COASY: variants seen among roughly 807,000 people sequenced by gnomAD.
The protein encoded by COASY is Coenzyme A synthase.
A neutral mutation model predicts 49.4 loss-of-function variants in COASY; 31 were observed. The ratio of observed to expected loss-of-function variants is 0.63; its 90% confidence interval spans 0.47 to 0.85. The LOEUF is 0.85. Among genes scored for constraint, COASY ranks in the 40% least tolerant of loss-of-function variants. The probability of loss-of-function intolerance (pLI) is 0.00; values close to 1 mark genes in which losing one functional copy is unlikely to be tolerated. For missense variants in COASY, 730 were observed against 734.1 expected (o/e 0.99, Z 0.06); for synonymous variants, 285 against 310.9 (o/e 0.92, Z 0.88).
chr17:42,562,311 C>G lies in COASY; in HGVS notation c.-312C>G. ...CCTGGTGCAGCTTAGCAAGAGGGCC[C>G]AGGATTTTTGGATCCCCAGCCCTGT... On this transcript the variant is annotated 5_prime_UTR_variant, in exon 1 of 9. Coordinates refer to ENST00000393818, the MANE Select transcript of COASY (RefSeq NM_025233.7). 9.1e-7 allele frequency: 1 copy of G among 1,099,940 alleles called. No homozygotes were observed. The highest frequency in any genetic ancestry group is 1.4e-6 in the Non-Finnish European group (1 of 733,276). The allele number at this position is 1,099,940 out of a possible 1,614,324, so 68.1% of individuals were successfully genotyped here. A position where few individuals can be genotyped will look rare whatever the true frequency, so the allele number is the denominator to read the frequency against.
At chr17:42,565,386 A>G (rs560703312) in intron 6 of COASY, 75 bp downstream of exon 6, 20 of 1,606,982 alleles carry the variant, frequency 1.2e-5, no homozygotes, top group East Asian at 8.9e-5. Flanking sequence ...TCCCTGCCCA[A>G]CGTGGGACTG....
intron 2 of COASY, 40 bp downstream of exon 2, chr17:42,564,215 G>T: frequency 6.3e-7 from 1 of 1,591,928 alleles, no homozygotes; most frequent in East Asian, 2.2e-5. Flanking sequence ...GTGGATGGGG[G>T]ACGGGGAAGG....
chr17:42,562,162 G>A lies in COASY; in HGVS notation c.-461G>A. On this transcript the variant is annotated 5_prime_UTR_variant, in exon 1 of 9. Coordinates refer to ENST00000393818, the MANE Select transcript of COASY (RefSeq NM_025233.7). ...GCGGTTTCTCCGTTAGTGCTTCCGG[G>A]TTGCAGCCAGGGAAGCCTCCGCGGT... 2 of 483,420 alleles carry A rather than the reference G, an allele frequency of 4.1e-6. No individual in the cohort carries two copies. Among genetic ancestry groups the A allele is most frequent in the Non-Finnish European group, 7.4e-6 (2 of 272,036 alleles). 29.9% of individuals were successfully genotyped at this position (483,420 alleles called of 1,614,324 possible). A position where few individuals can be genotyped will look rare whatever the true frequency, so the allele number is the denominator to read the frequency against.
chr17:42,564,662 A>G lies in COASY; in HGVS notation c.1048-47A>G, dbSNP rs201430313. 1,772 of 1,532,572 alleles carry G rather than the reference A, an allele frequency of 1.2e-3. 3 individuals are homozygous for G. The highest frequency in any genetic ancestry group is 1.5e-3 in the Admixed American group (71 of 46,648). 94.9% of individuals were successfully genotyped at this position (1,532,572 alleles called of 1,614,324 possible). A position where few individuals can be genotyped will look rare whatever the true frequency, so the allele number is the denominator to read the frequency against. On this transcript the variant is annotated intron_variant, in intron 3 of 8. Transcript: ENST00000393818. ...GCTGAGGGGCTCAGCCCCAGGCATG[A>G]GGCTGAGGGCCCCAGTAACTGTGGG...
At position 42,563,256 on chromosome 17, in the gene COASY, A is replaced by G. The variant is rs1218991418; in HGVS notation, c.634A>G (p.Ser212Gly). ...RLHNAHKVLL[S>G]VACILAQEQL... is the part of the protein sequence containing the mutation. ...GCACAACGCCCACAAGGTGTTGCTCAGTGTCGCGTGCATCCTGGCCCAGGA... is the reference window on the plus strand; with the variant it reads ...GCACAACGCCCACAAGGTGTTGCTCGGTGTCGCGTGCATCCTGGCCCAGGA... The change falls in exon 1 of 9, where the codon AGT (serine) becomes GGT (glycine). Residue 212 changes from serine (S) to glycine (G), a missense_variant. Coordinates refer to ENST00000393818, the MANE Select transcript of COASY (RefSeq NM_025233.7). 2 of 1,611,502 alleles carry G rather than the reference A, an allele frequency of 1.2e-6. No homozygotes were observed. Among genetic ancestry groups the G allele is most frequent in the Non-Finnish European group, 1.7e-6 (2 of 1,179,460 alleles).
At chr17:42,563,657 C>T in intron 1 of COASY, 1 of 514,242 alleles carries the variant, frequency 1.9e-6, no homozygotes, top group South Asian at 2.7e-5. Flanking sequence ...GAGGAGGAAA[C>T]TCAAGCATGG....
At position 42,565,031 on chromosome 17, in the gene COASY, G is replaced by T. The variant is rs375069596; in HGVS notation, c.1286G>T (p.Arg429Leu). ...ATCAACAGGAAGGTCCTAGGCAGCC[G>T]GGTGTTTGGGAATAAGGTAAACAAT... ...GIINRKVLGS[R>L]VFGNKKQLKI... Residue 429 changes from arginine to leucine, a missense_variant, in exon 5 of 9, where the codon CGG becomes CTG. Transcript: ENST00000393818. 6.2e-7 allele frequency: 1 copy of T among 1,614,158 alleles called. No individual in the cohort carries two copies. The highest frequency in any genetic ancestry group is 2.2e-5 in the East Asian group (1 of 44,876).
In COASY at chr17:42,564,538, C is replaced by A; in HGVS notation, c.1008C>A (p.Phe336Leu). The A allele has an allele frequency of 1.2e-6, 2 of 1,613,054 alleles. No individual in the cohort carries two copies. Among genetic ancestry groups the A allele is most frequent in the Non-Finnish European group, 1.7e-6 (2 of 1,179,546 alleles). The change falls in exon 3 of 9, where the codon TTC (phenylalanine) becomes TTA (leucine). Residue 336 changes from phenylalanine to leucine, a missense_variant. Physicochemically the swap from Phe to Leu is conservative, Grantham distance 22 (BLOSUM62 0). Transcript: ENST00000393818. ...NEEDKVSSSS[F>L]RQRMLGNLLR... Reference sequence around the variant, plus strand: ...AGGACAAAGTCAGCTCCTCCAGCTTCCGCCAGCGAATGTTGGGGAACCTGC... The same window carrying A: ...AGGACAAAGTCAGCTCCTCCAGCTTACGCCAGCGAATGTTGGGGAACCTGC...
At position 42,564,728 on chromosome 17, in the gene COASY, CAT is replaced by C. The variant is rs752707793; in HGVS notation, c.1068_1069del (p.Cys357SerfsTer30). 9.2e-6 allele frequency: 14 copies of C among 1,527,576 alleles called. No homozygotes were observed. Among genetic ancestry groups the C allele is most frequent in the East Asian group, 6.8e-5 (3 of 44,330 alleles). The allele number at this position is 1,527,576 out of a possible 1,614,324, so 94.6% of individuals were successfully genotyped here. ...CCCCAGGAAAGGCCAGAGCTCCCCA[CAT>C]GTCTCTATGTAATTGGGCTGACTGG... is the stretch of plus-strand genomic sequence containing the variant. On this transcript the variant is annotated frameshift_variant, in exon 4 of 9. Transcript: ENST00000393818. LOFTEE classifies it high-confidence loss of function.
At chr17:42,563,509 C>T in intron 1 of COASY, 187 bp downstream of exon 1, 2 of 611,470 alleles carry the variant, frequency 3.3e-6, no homozygotes, top group South Asian at 4.2e-5. Context: ...AGCATGTGGT[C>T]CAGTCACCAC....
chr17:42,563,793 G>T (rs1191945418), intron 1 of COASY, 168 bp from the exon 2 acceptor site: 1 of 605,872 alleles, frequency 1.7e-6, no homozygotes, highest in South Asian at 2.1e-5. Context: ...GTGCTTGCCT[G>T]TTTCTTCACC....
rs598126 is a variant in COASY at position 42,564,502 on chromosome 17, A to G, written c.972A>G (p.Thr324=). ...QIQLLKDLRH[T]ENEEDKVSSS... ...AGCTGCTGAAGGACCTCAGACATAC[A>G]GAGAATGAAGAGGACAAAGTCAGCT... The change falls in exon 3 of 9, where the codon ACA becomes ACG. Residue 324 remains threonine, a synonymous_variant. Transcript: ENST00000393818. 0.55 allele frequency: 881,764 copies of G among 1,613,628 alleles called. 243,335 individuals carry two copies. Among genetic ancestry groups the G allele is most frequent in the South Asian group, 0.63 (57,604 of 91,062 alleles).
At chr17:42,563,718 G>C in intron 1 of COASY, 1 of 544,388 alleles carries the variant, frequency 1.8e-6, no homozygotes, top group South Asian at 2.5e-5. Flanking sequence ...GGCACTGCTC[G>C]TTCTCTGGAG....
At chr17:42,563,819 C>G in intron 1 of COASY, 142 bp from the exon 2 acceptor site, 1 of 631,704 alleles carries the variant, frequency 1.6e-6, no homozygotes, top group Non-Finnish European at 2.8e-6. Context: ...GCTCCCCTCA[C>G]CATCACCATA....
Position 42,562,855 on chromosome 17 carries a change from A to G in COASY, c.233A>G (p.His78Arg). ...ITHLYAGADV[H>R]RHLDVRILLT... ...CACCTCTATGCTGGCGCCGACGTCCACAGGCACTTGGACGTCAGAATCCTA... is the reference window on the plus strand; with the variant it reads ...CACCTCTATGCTGGCGCCGACGTCCGCAGGCACTTGGACGTCAGAATCCTA... Residue 78 changes from histidine (H) to arginine (R), a missense_variant, in exon 1 of 9, where the codon CAC (histidine) becomes CGC (arginine). His to Arg is a conservative substitution (Grantham distance 29). Transcript: ENST00000393818. 1 of 1,613,436 alleles carries G rather than the reference A, an allele frequency of 6.2e-7. No homozygotes were observed. The highest frequency in any genetic ancestry group is 8.5e-7 in the Non-Finnish European group (1 of 1,179,596).
chr17:42,566,049 A>C lies in COASY; in HGVS notation c.*81A>C, dbSNP rs2143229974. The C allele has an allele frequency of 6.8e-7, 1 of 1,465,424 alleles. No homozygotes were observed. The highest frequency in any genetic ancestry group is 1.8e-4 in the Middle Eastern group (1 of 5,652). 90.8% of individuals were successfully genotyped at this position (1,465,424 alleles called of 1,614,324 possible). ...AGGAGAAATGGGGGCCTTGATGCTC[A>C]CCCTGGTTCAGGCCCAGAGGTCCAA... On this transcript the variant is annotated 3_prime_UTR_variant, in exon 9 of 9. Coordinates refer to ENST00000393818, the MANE Select transcript of COASY (RefSeq NM_025233.7).
In COASY at chr17:42,562,564, C is replaced by A; in HGVS notation, c.-59C>A. ...GGTCCCATACAGGCCTCTGCCTCGG[C>A]CGCAGGCCCTTCAGTCACCGTCGCC... is the stretch of plus-strand genomic sequence containing the variant. On this transcript the variant is annotated 5_prime_UTR_variant, in exon 1 of 9. Coordinates refer to ENST00000393818, the MANE Select transcript of COASY (RefSeq NM_025233.7). The A allele has an allele frequency of 6.4e-7, 1 of 1,572,002 alleles. No homozygotes were observed. Among genetic ancestry groups the A allele is most frequent in the Non-Finnish European group, 8.6e-7 (1 of 1,161,024 alleles).
rs668799 is a variant in COASY, at chr17:42,564,217, C to T, written c.915+42C>T. ...ACTGGCAGAGGGAGTGGATGGGGGA[C>T]GGGGAAGGCCATTTTGAGGGGGCTG... On this transcript the variant is annotated intron_variant, in intron 2 of 8. Transcript: ENST00000393818. The T allele has an allele frequency of 0.28, 442,713 of 1,586,322 alleles. 64,417 individuals are homozygous for T. The highest frequency in any genetic ancestry group is 0.44 in the South Asian group (39,519 of 89,962).
chr17:42,563,001 A>G lies in COASY; in HGVS notation c.379A>G (p.Asn127Asp). The G allele has an allele frequency of 1.1e-5, 18 of 1,614,156 alleles. No homozygotes were observed. The highest frequency in any genetic ancestry group is 1.6e-4 in the Middle Eastern group (1 of 6,062). ...CCAGACCCTGGATGGAAGCCAGTAC[A>G]ACCCGGTCAAACAGCAGCTAGTGCG... Reference protein sequence around the residue: ...DFQTLDGSQYNPVKQQLVRYA... With the variant: ...DFQTLDGSQYDPVKQQLVRYA... Residue 127 changes from asparagine (N) to aspartate (D), a missense_variant, in exon 1 of 9, where the codon AAC becomes GAC. Coordinates refer to ENST00000393818, the MANE Select transcript of COASY (RefSeq NM_025233.7).
Sources: allele counts gnomAD v4.1 joint callset, GRCh38; gene constraint gnomAD v4.1.1; transcripts MANE v1.5; gene names NCBI Gene and HGNC (gene_info 2026-07-23, HGNC 2026-07-21).